PCM1: variants seen among roughly 807,000 people sequenced by gnomAD.
The protein encoded by PCM1 is pericentriolar material 1, also known as pericentriolar material 1 protein.
A neutral mutation model predicts 241.9 loss-of-function variants in PCM1; 157 were observed. The observed-to-expected ratio is 0.65, with a 90% CI of 0.57 to 0.74. PCM1 has a LOEUF of 0.74. Among genes scored for constraint, PCM1 ranks in the 30% least tolerant of loss-of-function variants. The pLI, the probability that PCM1 is intolerant of heterozygous loss-of-function variation, is 0.00. For missense variants in PCM1, 3,478 were observed against 2,360.1 expected, an observed-to-expected ratio of 1.47 and a Z score of -9.81; for synonymous variants, 1,085 against 784.9, an observed-to-expected ratio of 1.38 and a Z score of -6.39.
At chr8:17,996,501 C>A (rs2086807027) in intron 29 of PCM1, among the ~76,000 whole-genome samples, 1 of 151,994 alleles carries the variant, frequency 6.6e-6, no homozygotes, top group African/African-American at 2.4e-5. Context: ...TTTTCTTAGT[C>A]TGGTTAATGG....
intron 8 of PCM1, among the ~76,000 whole-genome samples, chr8:17,952,632 T>C (rs7837060): frequency 0.45 from 68,647 of 151,964 alleles, 17,199 homozygotes; most frequent in Middle Eastern, 0.59. Flanking sequence ...TTATAAGTAG[T>C]CTAGAGCTGA....
intron 6 of PCM1, among the ~76,000 whole-genome samples, chr8:17,944,370 C>T (rs1251629518): frequency 6.6e-6 from 1 of 152,084 alleles, no homozygotes; most frequent in Non-Finnish European, 1.5e-5. Context: ...GTTCCTCAAC[C>T]TTCACATGAA....
In PCM1 at chr8:17,969,562, G is replaced by T; in HGVS notation, c.3413-15G>T. 1 of 1,546,008 alleles carries T rather than the reference G, an allele frequency of 6.5e-7. No homozygotes were observed. Among genetic ancestry groups the T allele is most frequent in the Non-Finnish European group, 8.8e-7 (1 of 1,141,268 alleles). On this transcript the variant is annotated splice_polypyrimidine_tract_variant and intron_variant, in intron 21 of 38. Coordinates refer to ENST00000325083, the MANE Select transcript of PCM1 (RefSeq NM_006197.4). ...TTTATTTATTTTTCTCTTACCCATT[G>T]CTTTTACTGATTAGGTATGAATTTC...
At chr8:18,021,455 G>T (rs182966781) in intron 36 of PCM1, among the ~76,000 whole-genome samples, 23 of 152,298 alleles carry the variant, frequency 1.5e-4, no homozygotes, top group Admixed American at 1.1e-3. Context: ...CATTCTTGCG[G>T]TAGTGTACCT....
At chr8:17,944,928 T>A (rs2063301803) in intron 6 of PCM1, among the ~76,000 whole-genome samples, 1 of 152,174 alleles carries the variant, frequency 6.6e-6, no homozygotes, top group Non-Finnish European at 1.5e-5. Context: ...TATCACAGTT[T>A]TGTGACTAAT....
In PCM1 at chr8:18,001,423, C is replaced by G. The variant is rs574938422; in HGVS notation, c.4828-4840C>G. On this transcript the variant is annotated intron_variant, in intron 29 of 38. Transcript: ENST00000325083. ...CTTTTTAGACAAGCTGATTGTCCTT[C>G]AGAGAAACTAACCAGTTTATATTCC... Among the ~76,000 whole-genome samples, 3 of 152,258 alleles carry G rather than the reference C, an allele frequency of 2.0e-5. No individual in the cohort carries two copies. The East Asian group carries it at 5.8e-4, about 29-fold the overall frequency.
At chr8:17,933,416 A>G (rs2059581312) in intron 2 of PCM1, among the ~76,000 whole-genome samples, 1 of 152,108 alleles carries the variant, frequency 6.6e-6, no homozygotes, top group Admixed American at 6.5e-5. Context: ...CGATATGTTT[A>G]TTCTTCCAGA....
Position 18,028,614 on chromosome 8 carries a change from T to TGAA in PCM1, c.*954_*956dup, listed in dbSNP as rs1443257791. The TGAA allele has an allele frequency of 9.7e-6, 2 of 207,104 alleles. No individual in the cohort carries two copies. The highest frequency in any genetic ancestry group is 2.0e-5 in the Non-Finnish European group (2 of 101,648). 12.8% of individuals were successfully genotyped at this position (207,104 alleles called of 1,614,324 possible). On this transcript the variant is annotated 3_prime_UTR_variant, in exon 39 of 39. Transcript: ENST00000325083. ...AGTGAGGTTGAAGCAGATTTGCAGG[T>TGAA]GAAGTATTGAAAGTTTATGTGACTT...
chr8:17,947,172 G>T lies in PCM1; in HGVS notation c.784-14G>T, dbSNP rs1375187588. ...TAATAGTCAGATACAAGTATTGTTG[G>T]TCTTATTTTCCAGGCCAGAGATCCT... On this transcript the variant is annotated splice_polypyrimidine_tract_variant and intron_variant, in intron 6 of 38. Transcript: ENST00000325083. The T allele has an allele frequency of 3.9e-6, 6 of 1,539,966 alleles. No individual in the cohort carries two copies. Among genetic ancestry groups the T allele is most frequent in the Non-Finnish European group, 4.4e-6 (5 of 1,132,558 alleles).
intron 36 of PCM1, among the ~76,000 whole-genome samples, chr8:18,016,227 G>C (rs1309317808): frequency 6.6e-6 from 1 of 152,134 alleles, no homozygotes; most frequent in Non-Finnish European, 1.5e-5. Context: ...GGTCGAACTA[G>C]ATGTTTGACA....
chr8:18,004,589 G>A (rs568000801), intron 29 of PCM1, among the ~76,000 whole-genome samples: 1 of 152,118 alleles, frequency 6.6e-6, no homozygotes, highest in African/African-American at 2.4e-5. Context: ...CTAATAATCT[G>A]ATTTTAATTA....
In PCM1 at chr8:17,953,114, A is replaced by G; in HGVS notation, c.1216A>G (p.Lys406Glu). ...LFSKMRVLQE[K>E]KQKMDKLLGE... The stretch of plus-strand genomic sequence containing the variant: ...TAGCAAAATGAGAGTGCTACAGGAA[A>G]AGAAACAAAAAATGGACAAATTGCT... Residue 406 changes from lysine to glutamate, a missense_variant, in exon 9 of 39, where the codon AAG becomes GAG. Physicochemically the swap from Lys to Glu is moderately conservative, Grantham distance 56. Transcript: ENST00000325083. 2 of 1,597,518 alleles carry G rather than the reference A, an allele frequency of 1.3e-6. No homozygotes were observed. Among genetic ancestry groups the G allele is most frequent in the Non-Finnish European group, 1.7e-6 (2 of 1,171,214 alleles).
rs146657003 is a variant in PCM1 at position 17,930,155 on chromosome 8, G to A, written c.-23+5375G>A. Among the ~76,000 whole-genome samples, 6 of 147,766 alleles carry A rather than the reference G, an allele frequency of 4.1e-5. 1 individual carries two copies. Among genetic ancestry groups the A allele is most frequent in the South Asian group, 2.1e-4 (1 of 4,658 alleles). The stretch of plus-strand genomic sequence containing the variant: ...GTCTCGCTCTTCCGCCCAGGCCGGA[G>A]TGCAGTGGTGTTATCTGGGTTCACT... On this transcript the variant is annotated intron_variant, in intron 2 of 38. Transcript: ENST00000325083.
intron 17 of PCM1, among the ~76,000 whole-genome samples, chr8:17,963,590 T>G (rs2073539037): frequency 6.6e-6 from 1 of 152,236 alleles, no homozygotes; most frequent in African/African-American, 2.4e-5. Flanking sequence ...AGAAAATGCT[T>G]GATATTTTGT....
chr8:17,940,214 C>T (rs1468698537), intron 6 of PCM1: 29 of 920,004 alleles, frequency 3.2e-5, no homozygotes, highest in Non-Finnish European at 4.7e-5. Context: ...ATTTTTCTCC[C>T]AGTTTTCAAG....
At position 17,924,796 on chromosome 8, in the gene PCM1, T is replaced by G. The variant is rs186845618; in HGVS notation, c.-23+16T>G. Reference sequence around the variant, plus strand: ...TTCTAAACAGGTAATTTGACATTATTATCTGTATTATCCTTTGTATTAGAG... The same window carrying G: ...TTCTAAACAGGTAATTTGACATTATGATCTGTATTATCCTTTGTATTAGAG... On this transcript the variant is annotated intron_variant, in intron 2 of 38. Coordinates refer to ENST00000325083, the MANE Select transcript of PCM1 (RefSeq NM_006197.4). 6.6e-6 allele frequency: 1 copy of G among 152,302 alleles called. No individual in the cohort carries two copies. The highest frequency in any genetic ancestry group is 1.9e-4 in the East Asian group (1 of 5,192). The allele number at this position is 152,302 out of a possible 1,614,324, so 9.4% of individuals were successfully genotyped here.
Position 18,029,156 on chromosome 8 carries a change from CAAAAAAAAAAAAAAA to C in PCM1, c.*1506_*1520del, listed in dbSNP as rs11333913. The C allele has an allele frequency of 1.8e-5, 1 of 55,848 alleles. No individual in the cohort carries two copies. Among genetic ancestry groups the C allele is most frequent in the African/African-American group, 7.4e-5 (1 of 13,544 alleles). 3.5% of individuals were successfully genotyped at this position (55,848 alleles called of 1,614,324 possible). ...CTGGCAACAGAGCGAGACTCTGTCT[CAAAAAAAAAAAAAAA>C]AAAAAAAAAAAGTTAACTTGCTGTA... On this transcript the variant is annotated 3_prime_UTR_variant, in exon 39 of 39. Transcript: ENST00000325083.
At chr8:17,936,673 C>T (rs1287356161) in intron 3 of PCM1, among the ~76,000 whole-genome samples, 1 of 152,008 alleles carries the variant, frequency 6.6e-6, no homozygotes, top group East Asian at 1.9e-4. Flanking sequence ...AATAAATAGC[C>T]TAGGGTCACA....
intron 7 of PCM1, among the ~76,000 whole-genome samples, chr8:17,950,051 G>A (rs1332106173): frequency 1.3e-5 from 2 of 152,138 alleles, no homozygotes; most frequent in African/African-American, 4.8e-5. Context: ...CTCATTGCCT[G>A]AAATAAAGTT....
Sources: gnomAD v4.1 joint callset for allele counts (sites outside exome capture counted in the v4.1 genomes callset) on GRCh38, gnomAD v4.1.1 for gene constraint, MANE v1.5 for transcripts, NCBI Gene and HGNC (gene_info 2026-07-23, HGNC 2026-07-21) for gene names.